Variants in HOGA1 observed in about 807,000 individuals in gnomAD.
The protein encoded by HOGA1 is 4-hydroxy-2-oxoglutarate aldolase 1.
Under a neutral mutation model 34.3 loss-of-function variants are expected in HOGA1, and 30 were observed. The ratio of observed to expected loss-of-function variants is 0.87; its 90% CI spans 0.65 to 1.19. The LOEUF is 1.19. HOGA1 is among the 50% of genes most tolerant of loss of function. HOGA1 has a pLI of 0.00. For missense variants in HOGA1, 417 were observed against 436.5 expected, an observed-to-expected ratio of 0.96 and a Z score of 0.40; for synonymous variants, 161 against 174.0, an observed-to-expected ratio of 0.93 and a Z score of 0.59.
rs768895976 is a variant in HOGA1, at chr10:97,598,810, T to C, written c.247T>C (p.Phe83Leu). 13 of 1,614,028 alleles carry C rather than the reference T, an allele frequency of 8.1e-6. No homozygotes were observed. The highest frequency in any genetic ancestry group is 9.3e-6 in the Non-Finnish European group (11 of 1,180,036). Residue 83 changes from phenylalanine to leucine, a missense_variant, in exon 2 of 7, where the codon TTC becomes CTC. Physicochemically the swap from Phe to Leu is conservative, Grantham distance 22. Coordinates refer to ENST00000370646, the MANE Select transcript of HOGA1 (RefSeq NM_138413.4). ...CCAGGGCTCCAATGGCGAGTTTCCT[T>C]TCCTGACCAGCAGTGAGCGCCTCGA... ...VVQGSNGEFP[F>L]LTSSERLEVV...
At chr10:97,590,521 T>C (rs1419030884) in intron 1 of HOGA1, 1 of 1,612,586 alleles carries the variant, frequency 6.2e-7, no homozygotes, top group Non-Finnish European at 8.5e-7. Flanking sequence ...ACAGTCACCA[T>C]GGCCACCCAA....
chr10:97,599,723 C>T lies in HOGA1; in HGVS notation c.512C>T (p.Pro171Leu), dbSNP rs1215843509. 4 of 1,614,150 alleles carry T rather than the reference C, an allele frequency of 2.5e-6. No individual in the cohort carries two copies. Among genetic ancestry groups the T allele is most frequent in the Non-Finnish European group, 3.4e-6 (4 of 1,180,014 alleles). The change falls in exon 4 of 7, where the codon CCA becomes CTA. Residue 171 changes from proline (P) to leucine (L), a missense_variant. Coordinates refer to ENST00000370646, the MANE Select transcript of HOGA1 (RefSeq NM_138413.4). The part of the protein sequence containing the change: ...SPIPVVLYSV[P>L]ANTGLDLPVD... The stretch of plus-strand genomic sequence containing the variant: ...ATCCCTGTGGTGCTGTACAGTGTCC[C>T]AGCCAACACAGGGCTGGACCTGCCT...
chr10:97,592,145 A>G (rs879357782), intron 1 of HOGA1, among the ~76,000 whole-genome samples: 1 of 151,918 alleles, frequency 6.6e-6, no homozygotes, highest in Non-Finnish European at 1.5e-5. Context: ...ACATTGTACC[A>G]GTGTTAATTC....
chr10:97,599,117 C>T lies in HOGA1; in HGVS notation c.369C>T (p.Val123=), dbSNP rs2041095332. ...CTCAAGCCACAGTGGAGATGACCGTCAGCATGGCCCAGGTCGGGGCTGACG... is the reference window on the plus strand; with the variant it reads ...CTCAAGCCACAGTGGAGATGACCGTTAGCATGGCCCAGGTCGGGGCTGACG... ...ESTQATVEMT[V]SMAQVGADAA... The change falls in exon 3 of 7, where the codon GTC becomes GTT. Residue 123 remains valine, a synonymous_variant. Transcript: ENST00000370646. 1 of 1,613,674 alleles carries T rather than the reference C, an allele frequency of 6.2e-7. No individual in the cohort carries two copies.
rs1268448257 is a variant in HOGA1, at chr10:97,611,807, C to G, written c.*148C>G. The G allele has an allele frequency of 5.4e-6, 5 of 917,962 alleles. No homozygotes were observed. Among genetic ancestry groups the G allele is most frequent in the Non-Finnish European group, 6.6e-6 (4 of 601,750 alleles). 56.9% of individuals were successfully genotyped at this position (917,962 alleles called of 1,614,324 possible). A position where few individuals can be genotyped will look rare whatever the true frequency, so the allele number is the denominator to read the frequency against. ...TTGCCTGCTGTGGTCCTCCAGGCAG[C>G]CTTTCACAGGCACGCCCATGCATAT... On this transcript the variant is annotated 3_prime_UTR_variant, in exon 7 of 7. Coordinates refer to ENST00000370646, the MANE Select transcript of HOGA1 (RefSeq NM_138413.4).
At chr10:97,587,339 C>A (rs2135712951) in intron 1 of HOGA1, among the ~76,000 whole-genome samples, 2 of 152,256 alleles carry the variant, frequency 1.3e-5, no homozygotes, top group South Asian at 4.1e-4. Context: ...GTAATCCCAG[C>A]ACTTTGGGAG....
chr10:97,597,872 C>A (rs142993512), intron 1 of HOGA1, among the ~76,000 whole-genome samples: 2 of 152,254 alleles, frequency 1.3e-5, no homozygotes, highest in East Asian at 1.9e-4. Context: ...ATCACTTGAA[C>A]CTGGGGGGCT....
intron 6 of HOGA1, chr10:97,602,444 A>G: frequency 2.0e-6 from 2 of 985,404 alleles, no homozygotes; most frequent in Non-Finnish European, 2.4e-6. Context: ...GTTGTCTTCA[A>G]ATAATCGGTT....
At chr10:97,601,760 A>G in intron 5 of HOGA1, 97 bp from the exon 6 acceptor site, 1 of 1,418,466 alleles carries the variant, frequency 7.0e-7, no homozygotes, top group Non-Finnish European at 9.9e-7. Flanking sequence ...AGAAATCTGT[A>G]TCTAATGTCC....
At chr10:97,610,099 G>A (rs73332788) in intron 6 of HOGA1, among the ~76,000 whole-genome samples, 3,554 of 152,288 alleles carry the variant, frequency 0.023, 147 homozygotes, top group African/African-American at 0.082. Context: ...TGATCAGCAT[G>A]AAATAACCAG....
Position 97,598,901 on chromosome 10 carries a change from A to G in HOGA1, c.338A>G (p.Glu113Gly), listed in dbSNP as rs2041092920. 1 of 1,613,810 alleles carries G rather than the reference A, an allele frequency of 6.2e-7. No homozygotes were observed. Among genetic ancestry groups the G allele is most frequent in the African/African-American group, 1.3e-5 (1 of 75,014 alleles). The change falls in exon 2 of 7, where the codon GAG becomes GGG. Residue 113 changes from glutamate to glycine, a missense_variant and splice_region_variant. Physicochemically the swap from Glu to Gly is moderately conservative, Grantham distance 98. Coordinates refer to ENST00000370646, the MANE Select transcript of HOGA1 (RefSeq NM_138413.4). ...CTCCTGCTAGCTGGCTCCGGATGCGAGTGTGAGCCAGAATGCCCTGGGCCC... is the reference window on the plus strand; with the variant it reads ...CTCCTGCTAGCTGGCTCCGGATGCGGGTGTGAGCCAGAATGCCCTGGGCCC... ...NRLLLAGSGCESTQATVEMTV... is the reference protein window; with the variant it reads ...NRLLLAGSGCGSTQATVEMTV...
intron 6 of HOGA1, among the ~76,000 whole-genome samples, chr10:97,609,759 C>T (rs150468277): frequency 6.8e-4 from 103 of 152,290 alleles, no homozygotes; most frequent in African/African-American, 2.3e-3. Flanking sequence ...TTTCTCTGGG[C>T]ACCTCTTATT....
intron 6 of HOGA1, 28 bp from the exon 7 acceptor site, chr10:97,611,482 G>A (rs1278591441): frequency 6.2e-7 from 1 of 1,614,096 alleles, no homozygotes; most frequent in Non-Finnish European, 8.5e-7. Context: ...AAATTTCTCA[G>A]TCTCTTCTAA....
rs892512382 is a variant in HOGA1 at position 97,598,880 on chromosome 10, T to A, written c.317T>A (p.Leu106Gln). 1.2e-6 allele frequency: 2 copies of A among 1,614,112 alleles called. No homozygotes were observed. The highest frequency in any genetic ancestry group is 3.3e-5 in the Admixed American group (2 of 60,036). Residue 106 changes from leucine to glutamine, a missense_variant, in exon 2 of 7, where the codon CTG becomes CAG. Physicochemically the swap from Leu to Gln is moderately radical, Grantham distance 113. Coordinates refer to ENST00000370646, the MANE Select transcript of HOGA1 (RefSeq NM_138413.4). Reference protein sequence around the residue: ...VRQAMPKNRLLLAGSGCESTQ... With the variant: ...VRQAMPKNRLQLAGSGCESTQ... ...CAGGCCATGCCCAAGAACAGGCTCC[T>A]GCTAGCTGGCTCCGGATGCGAGTGT...
At chr10:97,599,014 G>A in intron 2 of HOGA1, 75 bp from the exon 3 acceptor site, 3 of 1,607,798 alleles carry the variant, frequency 1.9e-6, no homozygotes, top group South Asian at 2.2e-5. Context: ...GACATGCTGA[G>A]GCACCTTCGC....
At chr10:97,605,802 TTA>T (rs1263318512) in intron 6 of HOGA1, among the ~76,000 whole-genome samples, 2 of 152,234 alleles carry the variant, frequency 1.3e-5, no homozygotes, top group Non-Finnish European at 2.9e-5. Context: ...CTGTTGAATT[TTA>T]GTTCTTTATA....
chr10:97,596,708 CAAA>C (rs34186645), intron 1 of HOGA1, among the ~76,000 whole-genome samples: 2 of 89,338 alleles, frequency 2.2e-5, no homozygotes, highest in South Asian at 3.6e-4. Context: ...AAATAACTAC[CAAA>C]AAAAAAAAAA....
chr10:97,584,615 A>C lies in HOGA1; in HGVS notation c.-89A>C. 4.9e-6 allele frequency: 6 copies of C among 1,236,248 alleles called. No homozygotes were observed. The highest frequency in any genetic ancestry group is 6.8e-6 in the Non-Finnish European group (6 of 877,348). 76.6% of individuals were successfully genotyped at this position (1,236,248 alleles called of 1,614,324 possible). A position where few individuals can be genotyped will look rare whatever the true frequency, so the allele number is the denominator to read the frequency against. On this transcript the variant is annotated 5_prime_UTR_variant, in exon 1 of 7. Transcript: ENST00000370646. ...GGAGGCCGCAAATTTTTAACTAGAA[A>C]CATTGATCATTAATAGGGGGTTAGA...
chr10:97,594,607 C>A (rs1003595466), intron 1 of HOGA1, among the ~76,000 whole-genome samples: 1 of 152,026 alleles, frequency 6.6e-6, no homozygotes, highest in South Asian at 2.1e-4. Context: ...CCCGCCTCGG[C>A]GTCCCAAAGT....
Sources: gnomAD v4.1 joint callset for allele counts (sites outside exome capture counted in the v4.1 genomes callset) on GRCh38, gnomAD v4.1.1 for gene constraint, MANE v1.5 for transcripts, NCBI Gene and HGNC (gene_info 2026-07-23, HGNC 2026-07-21) for gene names.